KDM2A: variants seen among roughly 807,000 people sequenced by gnomAD.
KDM2A encodes the protein lysine-specific demethylase 2A.
Under a neutral mutation model 137.3 loss-of-function variants are expected in KDM2A, and 3 were observed. The ratio of observed to expected loss-of-function variants is 0.02; its 90% CI spans 0.01 to 0.06. The LOEUF (loss-of-function observed/expected upper bound fraction) is 0.06. KDM2A is among the 10% of genes least tolerant of loss of function. The probability of loss-of-function intolerance (pLI) is 1.00; values close to 1 mark genes in which losing one functional copy is unlikely to be tolerated. For missense variants in KDM2A, 738 were observed against 1,510.6 expected (o/e 0.49, Z 8.48); for synonymous variants, 512 against 541.5 (o/e 0.95, Z 0.76).
At chr11:67,225,658 T>C (rs1858519350) in intron 10 of KDM2A, among the ~76,000 whole-genome samples, 1 of 151,796 alleles carries the variant, frequency 6.6e-6, no homozygotes, top group East Asian at 1.9e-4. Context: ...TAATCCCAGC[T>C]ACTCGGGAGG....
chr11:67,213,875 G>GT (rs1858072308), intron 6 of KDM2A, among the ~76,000 whole-genome samples: 2 of 151,932 alleles, frequency 1.3e-5, no homozygotes, highest in South Asian at 4.1e-4. Context: ...GTGTTTTTGG[G>GT]TTTTTTATTG....
chr11:67,168,661 ACACG>A lies in KDM2A; in HGVS notation c.43-11417_43-11414del, dbSNP rs1856807965. 4.1e-5 allele frequency among the ~76,000 whole-genome samples: 6 copies of A among 147,230 alleles called. 1 individual carries two copies. The highest frequency in any genetic ancestry group is 9.0e-5 in the Non-Finnish European group (6 of 66,590). On this transcript the variant is annotated intron_variant, in intron 2 of 20. Coordinates refer to ENST00000529006, the MANE Select transcript of KDM2A (RefSeq NM_012308.3). ...CACACACACACACACACACACACAC[ACACG>A]GTCGGGGGGATAGACAGCAATGTCC...
chr11:67,189,812 C>T (rs1045541499), intron 5 of KDM2A, among the ~76,000 whole-genome samples: 5 of 151,960 alleles, frequency 3.3e-5, no homozygotes, highest in African/African-American at 7.3e-5. Flanking sequence ...GCACTCCAGC[C>T]GGGGCAACAA....
chr11:67,239,987 C>A (rs1420353211), intron 12 of KDM2A: 12 of 1,180,558 alleles, frequency 1.0e-5, no homozygotes, highest in African/African-American at 1.6e-5. Context: ...TGCAGCAGAA[C>A]GGCTGGGCCC....
intron 2 of KDM2A, among the ~76,000 whole-genome samples, chr11:67,153,454 G>A (rs972526650): frequency 6.6e-6 from 1 of 152,134 alleles, no homozygotes; most frequent in Non-Finnish European, 1.5e-5. Flanking sequence ...TTTGTATTCA[G>A]CTATCTAGAG....
chr11:67,250,140 C>G lies in KDM2A; in HGVS notation c.2110C>G (p.Pro704Ala), dbSNP rs1326766500. 1 of 1,612,420 alleles carries G rather than the reference C, an allele frequency of 6.2e-7. No individual in the cohort carries two copies. Among genetic ancestry groups the G allele is most frequent in the Admixed American group, 1.7e-5 (1 of 59,804 alleles). ...EEAVQAKVLR[P>A]LRSCDEPLTP... Reference sequence around the variant, plus strand: ...AGCTGTGCAAGCCAAAGTCCTGCGGCCCCTGCGGAGCTGCGATGAGCCTCT... The same window carrying G: ...AGCTGTGCAAGCCAAAGTCCTGCGGGCCCTGCGGAGCTGCGATGAGCCTCT... Residue 704 changes from proline to alanine, a missense_variant, in exon 17 of 21, where the codon CCC (proline) becomes GCC (alanine). By Grantham distance (27) the Pro-to-Ala change is conservative. Coordinates refer to ENST00000529006, the MANE Select transcript of KDM2A (RefSeq NM_012308.3). This position sits in a 1 kb window ranked among gnomAD's most constrained non-coding sequence, Gnocchi z 7.1.
chr11:67,192,606 G>T (rs1286928440), intron 5 of KDM2A, among the ~76,000 whole-genome samples: 1 of 151,212 alleles, frequency 6.6e-6, no homozygotes, highest in African/African-American at 2.4e-5. Flanking sequence ...CACCATGCCT[G>T]GTCAATTTTG....
At chr11:67,168,147 G>A (rs143553880) in intron 2 of KDM2A, among the ~76,000 whole-genome samples, 1 of 152,132 alleles carries the variant, frequency 6.6e-6, no homozygotes, top group Non-Finnish European at 1.5e-5. Flanking sequence ...TTAATAAGGA[G>A]ATACTGATAA....
intron 5 of KDM2A, among the ~76,000 whole-genome samples, chr11:67,191,130 ACCT>A (rs1857342970): frequency 6.6e-6 from 1 of 151,838 alleles, no homozygotes; most frequent in Non-Finnish European, 1.5e-5. Context: ...TGCAATCTCC[ACCT>A]CCTGGGTTCA....
At chr11:67,186,301 G>A (rs148009033) in intron 5 of KDM2A, among the ~76,000 whole-genome samples, 2 of 152,082 alleles carry the variant, frequency 1.3e-5, no homozygotes, top group Non-Finnish European at 2.9e-5. Flanking sequence ...AATTATGAAC[G>A]AATTTCTCAT....
chr11:67,222,221 C>T (rs1281164978), intron 10 of KDM2A, among the ~76,000 whole-genome samples: 1 of 102,442 alleles, frequency 9.8e-6, no homozygotes, highest in Non-Finnish European at 2.0e-5. Flanking sequence ...GACCCTGCGG[C>T]CTTCCGCAGT....
intron 12 of KDM2A, among the ~76,000 whole-genome samples, chr11:67,234,601 G>T (rs549193961): frequency 5.9e-5 from 9 of 152,322 alleles, no homozygotes; most frequent in Non-Finnish European, 1.0e-4. Flanking sequence ...GAGCCCAGTG[G>T]CTCACACCTC....
At chr11:67,148,798 T>C (rs1446224381) in intron 2 of KDM2A, among the ~76,000 whole-genome samples, 1 of 151,878 alleles carries the variant, frequency 6.6e-6, no homozygotes, top group Admixed American at 6.6e-5. Flanking sequence ...CAAAATTCCG[T>C]CTCAAAAACA....
intron 2 of KDM2A, among the ~76,000 whole-genome samples, chr11:67,176,347 G>A (rs1856973197): frequency 6.6e-6 from 1 of 151,950 alleles, no homozygotes; most frequent in Admixed American, 6.6e-5. Context: ...GTAGATTCAG[G>A]TGCTATGTAA....
rs7931772 is a variant in KDM2A, at chr11:67,133,654, C to T, written c.42+12296C>T. Among the ~76,000 whole-genome samples, 1,002 of 151,254 alleles carry T rather than the reference C, an allele frequency of 6.6e-3. 12 individuals are homozygous for T. Among genetic ancestry groups the T allele is most frequent in the African/African-American group, 0.023 (929 of 41,220 alleles). On this transcript the variant is annotated intron_variant, in intron 2 of 20. Coordinates refer to ENST00000529006, the MANE Select transcript of KDM2A (RefSeq NM_012308.3). ...CTGACCTCAGGTGATCTGCCCACCTCGGCCTCCCAAAGTGCTGGGATTACA... is the reference window on the plus strand; with the variant it reads ...CTGACCTCAGGTGATCTGCCCACCTTGGCCTCCCAAAGTGCTGGGATTACA...
intron 5 of KDM2A, among the ~76,000 whole-genome samples, chr11:67,191,291 C>T (rs1352549858): frequency 3.3e-5 from 5 of 152,104 alleles, no homozygotes; most frequent in Non-Finnish European, 7.4e-5. Flanking sequence ...TCCCAAAGTG[C>T]TGAGATAACA....
At chr11:67,212,399 G>A (rs1382811051) in intron 6 of KDM2A, among the ~76,000 whole-genome samples, 3 of 152,248 alleles carry the variant, frequency 2.0e-5, no homozygotes, top group East Asian at 3.9e-4. Context: ...ATGGTGAGAA[G>A]AGATTATTTA....
intron 12 of KDM2A, among the ~76,000 whole-genome samples, chr11:67,234,202 G>C (rs942353453): frequency 3.9e-5 from 6 of 152,220 alleles, no homozygotes; most frequent in African/African-American, 1.4e-4. Flanking sequence ...GAGAATCTAA[G>C]CATCACTCAA....
chr11:67,221,829 G>A (rs1590800493), intron 10 of KDM2A, among the ~76,000 whole-genome samples: 1 of 151,930 alleles, frequency 6.6e-6, no homozygotes, highest in Admixed American at 6.6e-5. Flanking sequence ...TAGCTACTGG[G>A]GAGGCTGAGG....
Sources: gnomAD v4.1 joint callset for allele counts (sites outside exome capture counted in the v4.1 genomes callset) on GRCh38, gnomAD v4.1.1 for gene constraint, Gnocchi (gnomAD v3.1) non-coding constraint, MANE v1.5 for transcripts, NCBI Gene and HGNC (gene_info 2026-07-23, HGNC 2026-07-21) for gene names.